Variants in ANK3 observed in about 807,000 individuals in gnomAD.
The protein encoded by ANK3 is ankyrin-3.
Under a neutral mutation model 370.9 loss-of-function variants are expected in ANK3, and 57 were observed. That is an observed-to-expected ratio of 0.15 (90% CI 0.12 to 0.19). ANK3 has a LOEUF of 0.19. Ranked by LOEUF, ANK3 falls within the 10% of genes least tolerant of loss-of-function variation. The pLI is 1.00. For synonymous variants in ANK3, 1,929 were observed against 1,946.3 expected, an observed-to-expected ratio of 0.99 and a Z score of 0.23; for missense variants, 4,439 against 5,302.1, an observed-to-expected ratio of 0.84 and a Z score of 5.06.
At chr10:60,154,229 T>C (rs2095253509) in intron 23 of ANK3, among the ~76,000 whole-genome samples, 1 of 152,240 alleles carries the variant, frequency 6.6e-6, no homozygotes, top group African/African-American at 2.4e-5. Context: ...TTTCTGAAGC[T>C]GCTAAGAACA....
chr10:60,238,289 T>C (rs2097365600), intron 7 of ANK3, among the ~76,000 whole-genome samples: 1 of 152,092 alleles, frequency 6.6e-6, no homozygotes, highest in Non-Finnish European at 1.5e-5. Context: ...AGAAACTCAG[T>C]GATGTTAGAG....
chr10:60,494,655 T>C (rs1264699276), intron 2 of ANK3, among the ~76,000 whole-genome samples: 3 of 152,172 alleles, frequency 2.0e-5, no homozygotes, highest in African/African-American at 7.2e-5. Flanking sequence ...TTTTAAAAAA[T>C]TGAGTGACCA....
At chr10:60,550,981 T>C (rs569643699) in intron 2 of ANK3, among the ~76,000 whole-genome samples, 1 of 152,114 alleles carries the variant, frequency 6.6e-6, no homozygotes, top group African/African-American at 2.4e-5. Flanking sequence ...GTTTAGTGTA[T>C]CCTTATCAAG....
At chr10:60,204,431 A>G (rs1222101729) in intron 11 of ANK3, among the ~76,000 whole-genome samples, 1 of 152,206 alleles carries the variant, frequency 6.6e-6, no homozygotes, top group Non-Finnish European at 1.5e-5. Context: ...TCTATTTTAT[A>G]CTTAAAAATA....
intron 2 of ANK3, among the ~76,000 whole-genome samples, chr10:60,538,657 T>C (rs1307607325): frequency 6.6e-6 from 1 of 151,930 alleles, no homozygotes; most frequent in African/African-American, 2.4e-5. Context: ...TCACACACAT[T>C]TAACATACAC....
chr10:60,138,060 TA>T (rs1202015619), intron 24 of ANK3, among the ~76,000 whole-genome samples: 2 of 151,744 alleles, frequency 1.3e-5, no homozygotes, highest in South Asian at 4.2e-4. Flanking sequence ...AAATTCCTAC[TA>T]AAAAAAAGAC....
intron 40 of ANK3, chr10:60,059,656 T>C (rs746640430): frequency 4.5e-6 from 7 of 1,568,810 alleles, no homozygotes; most frequent in Middle Eastern, 1.7e-4. Flanking sequence ...TTAACATCTT[T>C]TGGGGACCCA....
Position 60,079,780 on chromosome 10 carries a change from G to A in ANK3, c.4432+757C>T, listed in dbSNP as rs377677520. 2.0e-5 allele frequency among the ~76,000 whole-genome samples: 3 copies of A among 152,238 alleles called. No individual in the cohort carries two copies. In the East Asian group the frequency reaches 5.8e-4, roughly 29 times the overall value. ...TTGAGGGCTGTAGAGATCACCAGAG[G>A]TGATGATTACAAGGATGATGGAAGG... On this transcript the variant is annotated intron_variant, in intron 36 of 43. Coordinates refer to ENST00000280772, the MANE Select transcript of ANK3 (RefSeq NM_020987.5).
intron 2 of ANK3, among the ~76,000 whole-genome samples, chr10:60,586,098 C>T (rs2077827894): frequency 6.6e-6 from 1 of 151,042 alleles, no homozygotes; most frequent in South Asian, 2.1e-4. Context: ...AAAAAAAAAA[C>T]CTTAGAATTT....
chr10:60,580,778 T>C (rs1595313016), intron 2 of ANK3, among the ~76,000 whole-genome samples: 1 of 152,148 alleles, frequency 6.6e-6, no homozygotes, highest in African/African-American at 2.4e-5. Context: ...CCCAAATAAC[T>C]GAAAAGAACA....
intron 2 of ANK3, among the ~76,000 whole-genome samples, chr10:60,468,858 A>T (rs2065071502): frequency 6.6e-6 from 1 of 151,072 alleles, no homozygotes; most frequent in Admixed American, 6.6e-5. Flanking sequence ...ACTGAGACAG[A>T]CTTGTCTTTT....
At position 60,574,265 on chromosome 10, in the gene ANK3, C is replaced by G. The variant is rs79174476; in HGVS notation, c.96+40921G>C. ...CTTAGATGCTTTACCCAGGGCTGAGCAGGCCAAGCATAGGGATTCAAGTGA... is the reference window on the plus strand; with the variant it reads ...CTTAGATGCTTTACCCAGGGCTGAGGAGGCCAAGCATAGGGATTCAAGTGA... On this transcript the variant is annotated intron_variant, in intron 2 of 43. Transcript: ENST00000373827. Among the ~76,000 whole-genome samples the G allele has an allele frequency of 7.5e-3, 1,145 of 152,278 alleles. 15 individuals are homozygous for G. Among genetic ancestry groups the G allele is most frequent in the African/African-American group, 0.026 (1,079 of 41,546 alleles).
chr10:60,663,629 T>C lies in ANK3; in HGVS notation c.58-48405A>G, dbSNP rs762719874. Among the ~76,000 whole-genome samples the C allele has an allele frequency of 7.2e-5, 11 of 152,326 alleles. No homozygotes were observed. In the South Asian group the frequency reaches 1.9e-3, roughly 26 times the overall value. On this transcript the variant is annotated intron_variant, in intron 1 of 43. Transcript: ENST00000373827. ...CTTATTCACAGAATACGTCTGATAA[T>C]AGCATTTCCTCCTACCTTCATGATG...
chr10:60,587,750 C>T (rs1429905669), intron 2 of ANK3, among the ~76,000 whole-genome samples: 2 of 152,092 alleles, frequency 1.3e-5, no homozygotes, highest in African/African-American at 2.4e-5. Context: ...ACCAACAAAC[C>T]AAACTACTTA....
At chr10:60,572,687 G>C (rs1023203975) in intron 2 of ANK3, 7 of 1,427,502 alleles carry the variant, frequency 4.9e-6, no homozygotes, top group African/African-American at 1.4e-5. Context: ...GCTGCTGTCA[G>C]AGAGACGCGG....
chr10:60,138,670 G>T, intron 24 of ANK3: 1 of 474,606 alleles, frequency 2.1e-6, no homozygotes, highest in Non-Finnish European at 3.7e-6. Context: ...GACTCAGATT[G>T]GTTCTCCCAG....
At chr10:60,347,344 G>A (rs997629015) in intron 1 of ANK3, among the ~76,000 whole-genome samples, 3 of 151,660 alleles carry the variant, frequency 2.0e-5, no homozygotes, top group Non-Finnish European at 4.4e-5. Flanking sequence ...TCATCACCAT[G>A]AAACTACGTA....
chr10:60,449,883 C>T (rs1236232720), intron 2 of ANK3, among the ~76,000 whole-genome samples: 1 of 151,790 alleles, frequency 6.6e-6, no homozygotes, highest in East Asian at 1.9e-4. Context: ...GTTTACACAA[C>T]TAAGTAATAG....
chr10:60,128,227 A>G (rs910115206), intron 25 of ANK3, among the ~76,000 whole-genome samples: 2 of 152,134 alleles, frequency 1.3e-5, no homozygotes. Flanking sequence ...GGACTCCTCA[A>G]GGGCCTTTTT....
Sources: gnomAD v4.1 joint callset for allele counts (sites outside exome capture counted in the v4.1 genomes callset) on GRCh38, gnomAD v4.1.1 for gene constraint, MANE v1.5 for transcripts, NCBI Gene and HGNC (gene_info 2026-07-23, HGNC 2026-07-21) for gene names.